Variants in SGCZ observed in about 807,000 individuals in gnomAD.
The protein encoded by SGCZ is zeta-sarcoglycan.
A neutral mutation model predicts 41.3 loss-of-function variants in SGCZ; 40 were observed. The observed-to-expected ratio is 0.97, with a 90% CI of 0.75 to 1.26. The LOEUF is 1.26. SGCZ is among the 50% of genes most tolerant of loss of function. The probability of loss-of-function intolerance (pLI) is 0.00; values close to 1 mark genes in which losing one functional copy is unlikely to be tolerated. For synonymous variants in SGCZ, 206 were observed against 137.5 expected (o/e 1.50, Z -3.49); for missense variants, 552 against 369.8 (o/e 1.49, Z -4.04).
At chr8:14,217,925 C>T (rs1021139279) in intron 4 of SGCZ, among the ~76,000 whole-genome samples, 5 of 151,934 alleles carry the variant, frequency 3.3e-5, no homozygotes, top group African/African-American at 7.3e-5. Flanking sequence ...GCCACCACGC[C>T]CGGCCAACTA....
intron 1 of SGCZ, among the ~76,000 whole-genome samples, chr8:14,571,915 TTTAC>T (rs554485107): frequency 1.2e-4 from 19 of 152,290 alleles, no homozygotes; most frequent in African/African-American, 4.6e-4. Context: ...ATTTATATTA[TTTAC>T]TTAATGTACA....
chr8:14,548,886 G>C (rs1239991748), intron 2 of SGCZ, among the ~76,000 whole-genome samples: 1 of 152,098 alleles, frequency 6.6e-6, no homozygotes, highest in Non-Finnish European at 1.5e-5. Context: ...TATTTGGCGG[G>C]AATTATGTCT....
chr8:14,209,787 T>C (rs1056345371), intron 4 of SGCZ, among the ~76,000 whole-genome samples: 16 of 152,268 alleles, frequency 1.1e-4, no homozygotes, highest in South Asian at 6.2e-4. Context: ...CAAAGTTACG[T>C]TGGTATTTAA....
At chr8:14,730,734 G>T (rs988426043) in intron 1 of SGCZ, among the ~76,000 whole-genome samples, 7 of 151,776 alleles carry the variant, frequency 4.6e-5, no homozygotes, top group Non-Finnish European at 2.9e-5. Flanking sequence ...CATTCCCTAG[G>T]ACTTGTGCCT....
At chr8:15,137,226 G>A (rs1047789774) in intron 1 of SGCZ, among the ~76,000 whole-genome samples, 3 of 152,170 alleles carry the variant, frequency 2.0e-5, no homozygotes, top group East Asian at 3.9e-4. Flanking sequence ...TATAAACTTT[G>A]AACTTGAGAG....
intron 1 of SGCZ, among the ~76,000 whole-genome samples, chr8:15,194,744 T>TAGAACA (rs1002451167): frequency 5.9e-5 from 9 of 152,218 alleles, no homozygotes; most frequent in African/African-American, 2.2e-4. Flanking sequence ...CTTTGGAAGT[T>TAGAACA]AGAACAGGTA....
At chr8:14,294,346 C>T (rs573045137) in intron 3 of SGCZ, among the ~76,000 whole-genome samples, 14 of 151,926 alleles carry the variant, frequency 9.2e-5, no homozygotes, top group Admixed American at 6.6e-4. Flanking sequence ...AAGTCACAAA[C>T]TTTTTTGTGA....
rs568611845 is a variant in SGCZ, at chr8:15,218,275, A to T, written c.39+19310T>A. 2.0e-5 allele frequency among the ~76,000 whole-genome samples: 3 copies of T among 152,270 alleles called. No homozygotes were observed. The East Asian group carries it at 5.8e-4, about 29-fold the overall frequency. On this transcript the variant is annotated intron_variant, in intron 1 of 7. Coordinates refer to ENST00000382080, the MANE Select transcript of SGCZ (RefSeq NM_139167.4). ...AGAGATGGAAGAGTTATTTAAAAGA[A>T]TCCTATATAAAAGAGCCTATTGCCC...
At chr8:14,965,588 G>T (rs185435168) in intron 1 of SGCZ, among the ~76,000 whole-genome samples, 8 of 152,040 alleles carry the variant, frequency 5.3e-5, no homozygotes, top group African/African-American at 1.9e-4. Context: ...GAAACCAAAG[G>T]CTGTGAGCAA....
intron 1 of SGCZ, among the ~76,000 whole-genome samples, chr8:14,945,041 C>G (rs1057309062): frequency 6.6e-6 from 1 of 151,874 alleles, no homozygotes; most frequent in Non-Finnish European, 1.5e-5. Context: ...CACTTCCATC[C>G]TGTGAAAGTT....
intron 1 of SGCZ, among the ~76,000 whole-genome samples, chr8:14,941,595 A>G (rs1800276325): frequency 1.3e-5 from 2 of 151,998 alleles, no homozygotes; most frequent in Non-Finnish European, 2.9e-5. Context: ...ATAACATATT[A>G]CATATGTTAA....
intron 1 of SGCZ, among the ~76,000 whole-genome samples, chr8:14,835,113 G>C (rs1451855813): frequency 6.6e-6 from 1 of 152,120 alleles, no homozygotes; most frequent in African/African-American, 2.4e-5. Context: ...AAAGACACAA[G>C]TTTACTCAAG....
intron 1 of SGCZ, among the ~76,000 whole-genome samples, chr8:14,814,998 T>C (rs1179224621): frequency 6.6e-6 from 1 of 152,192 alleles, no homozygotes; most frequent in Non-Finnish European, 1.5e-5. Flanking sequence ...TCTGCCTCCA[T>C]TTTTTCTTGT....
chr8:14,845,184 G>T (rs1354032616), intron 1 of SGCZ, among the ~76,000 whole-genome samples: 1 of 152,148 alleles, frequency 6.6e-6, no homozygotes, highest in Non-Finnish European at 1.5e-5. Context: ...AAGAAATGGT[G>T]CCTATTCTTA....
intron 1 of SGCZ, among the ~76,000 whole-genome samples, chr8:14,712,841 G>A (rs1471470714): frequency 1.3e-5 from 2 of 151,956 alleles, no homozygotes; most frequent in Non-Finnish European, 2.9e-5. Flanking sequence ...ATGAGTCACT[G>A]GGTTTTCTAT....
chr8:14,119,232 T>C (rs956829415), intron 5 of SGCZ, among the ~76,000 whole-genome samples: 3 of 152,160 alleles, frequency 2.0e-5, no homozygotes, highest in African/African-American at 7.2e-5. Context: ...GCCCCTCTTA[T>C]TTCCTTGAGC....
intron 4 of SGCZ, among the ~76,000 whole-genome samples, chr8:14,198,612 A>G (rs867359730): frequency 2.0e-5 from 3 of 151,890 alleles, no homozygotes; most frequent in African/African-American, 7.3e-5. Flanking sequence ...AAAAAAGAGG[A>G]AAAAAAGAAC....
At chr8:14,968,325 T>C (rs1435085024) in intron 1 of SGCZ, among the ~76,000 whole-genome samples, 1 of 152,114 alleles carries the variant, frequency 6.6e-6, no homozygotes, top group Non-Finnish European at 1.5e-5. Flanking sequence ...TGGGAACATC[T>C]GAAACCTCAG....
chr8:14,784,053 G>GT (rs67722353), intron 1 of SGCZ, among the ~76,000 whole-genome samples: 2,627 of 145,536 alleles, frequency 0.018, 25 homozygotes, highest in African/African-American at 0.024. Context: ...TTAATTTAAT[G>GT]TTTTTTTTTT....
Sources: allele counts gnomAD v4.1 joint callset (sites outside exome capture counted in the v4.1 genomes callset), GRCh38; gene constraint gnomAD v4.1.1; transcripts MANE v1.5; gene names NCBI Gene and HGNC (gene_info 2026-07-23, HGNC 2026-07-21).